The following TSC22D3 variants were observed in gnomAD, a reference collection of about 807,000 sequenced individuals.
TSC22D3 encodes the protein TSC22 domain family member 3.
Under a neutral mutation model 11.1 loss-of-function variants are expected in TSC22D3, and 4 were observed. That is an observed-to-expected ratio of 0.36 (90% confidence interval 0.18 to 0.83). The LOEUF (loss-of-function observed/expected upper bound fraction) is 0.83, where lower values mean the gene tolerates loss of function less well. TSC22D3 is among the 40% of genes least tolerant of loss of function. The pLI, the probability that TSC22D3 is intolerant of heterozygous loss-of-function variation, is 0.48. For synonymous variants in TSC22D3, 77 were observed against 70.3 expected (o/e 1.10, Z -0.48); for missense variants, 118 against 159.4 (o/e 0.74, Z 1.40).
intron 1 of TSC22D3, among the ~76,000 whole-genome samples, chrX:107,739,125 TG>T (rs1928276683): frequency 8.8e-6 from 1 of 113,172 alleles, no homozygotes; most frequent in Non-Finnish European, 1.9e-5. Flanking sequence ...GCAGCTGACA[TG>T]CTGCTGGTGC....
At position 107,771,552 on chromosome X, in the gene TSC22D3, T is replaced by C. The variant is rs192332554; in HGVS notation, c.320+3548A>G. Among the ~76,000 whole-genome samples, 31 of 112,062 alleles carry C rather than the reference T, an allele frequency of 2.8e-4. 1 individual carries two copies. The highest frequency in any genetic ancestry group is 9.7e-4 in the African/African-American group (30 of 30,774). On this transcript the variant is annotated intron_variant, in intron 1 of 2. Coordinates refer to ENST00000372383, the MANE Select transcript of TSC22D3 (RefSeq NM_198057.3). The stretch of plus-strand genomic sequence containing the variant: ...GTGAGCTGAGATCGTGCCACTGCAC[T>C]CCAGCCTGGGCGACAGAACAAGACT...
intron 1 of TSC22D3, among the ~76,000 whole-genome samples, chrX:107,768,350 G>A (rs1283335914): frequency 1.8e-5 from 2 of 112,290 alleles, no homozygotes; most frequent in Non-Finnish European, 3.8e-5. Context: ...ATCTGGAAAG[G>A]AGCCAACCCT....
intron 1 of TSC22D3, among the ~76,000 whole-genome samples, chrX:107,766,808 T>G (rs186531032): frequency 9.1e-6 from 1 of 110,468 alleles, no homozygotes; most frequent in East Asian, 2.9e-4. Context: ...GAGCTTGACT[T>G]GGACCCCCAG....
intron 1 of TSC22D3, among the ~76,000 whole-genome samples, chrX:107,741,665 T>G (rs921954604): frequency 6.2e-5 from 7 of 112,120 alleles, no homozygotes; most frequent in Non-Finnish European, 1.3e-4. Flanking sequence ...CCTTGCTCAG[T>G]GCCTGGAGAC....
intron 1 of TSC22D3, among the ~76,000 whole-genome samples, chrX:107,732,410 GC>G (rs1450720568): frequency 9.0e-6 from 1 of 110,514 alleles, no homozygotes; most frequent in African/African-American, 3.3e-5. Flanking sequence ...AAGGAAGGAG[GC>G]TTTGCCAGCG....
At position 107,714,429 on chromosome X, in the gene TSC22D3, G is replaced by T; in HGVS notation, c.*90C>A. 3.5e-6 allele frequency: 3 copies of T among 849,840 alleles called. No individual in the cohort carries two copies. The highest frequency in any genetic ancestry group is 4.9e-6 in the Non-Finnish European group (3 of 607,357). The allele number at this position is 849,840 out of a possible 1,213,427, so 70.0% of individuals were successfully genotyped here. A position where few individuals can be genotyped will look rare whatever the true frequency, so the allele number is the denominator to read the frequency against. On this transcript the variant is annotated 3_prime_UTR_variant, in exon 3 of 3. Coordinates refer to ENST00000372383, the MANE Select transcript of TSC22D3 (RefSeq NM_198057.3). ...CTGTGCTAGGTGTAAAGTTCTCCTCGTGAGATGATGCTTGGGGAGCCAAAA... is the reference window on the plus strand; with the variant it reads ...CTGTGCTAGGTGTAAAGTTCTCCTCTTGAGATGATGCTTGGGGAGCCAAAA...
intron 1 of TSC22D3, among the ~76,000 whole-genome samples, chrX:107,730,498 T>C (rs1380791036): frequency 9.0e-6 from 1 of 111,480 alleles, no homozygotes; most frequent in Non-Finnish European, 1.9e-5. Flanking sequence ...CCCAAGGCAA[T>C]TAATTCCCTG....
intron 1 of TSC22D3, among the ~76,000 whole-genome samples, chrX:107,718,615 T>C (rs1307812728): frequency 8.8e-6 from 1 of 113,248 alleles, no homozygotes; most frequent in Non-Finnish European, 1.9e-5. Flanking sequence ...TCCAGGGCAG[T>C]TATGCCACTG....
intron 1 of TSC22D3, among the ~76,000 whole-genome samples, chrX:107,757,695 C>T (rs745605338): frequency 9.1e-6 from 1 of 109,815 alleles, no homozygotes; most frequent in African/African-American, 3.3e-5. Context: ...TCTTACCCCA[C>T]ACTCTCTTCC....
chrX:107,763,150 C>G (rs763824118), intron 1 of TSC22D3, among the ~76,000 whole-genome samples: 1 of 111,388 alleles, frequency 9.0e-6, no homozygotes, highest in East Asian at 2.8e-4. Flanking sequence ...CCACTGCGCC[C>G]GACCTGTACT....
chrX:107,727,750 A>G (rs1258658863), intron 1 of TSC22D3, among the ~76,000 whole-genome samples: 1 of 112,193 alleles, frequency 8.9e-6, no homozygotes, highest in Non-Finnish European at 1.9e-5. Flanking sequence ...GTCCAGTTTC[A>G]ATGTTTGTTC....
In TSC22D3 at chrX:107,727,835, A is replaced by G. The variant is rs774572848; in HGVS notation, c.321-11885T>C. The stretch of plus-strand genomic sequence containing the variant: ...TTGTTAAAATGGAGTCTATATTTAA[A>G]TTATTCTCCTGAAGGTCCTAGCAAT... On this transcript the variant is annotated intron_variant, in intron 1 of 2. Coordinates refer to ENST00000372383, the MANE Select transcript of TSC22D3 (RefSeq NM_198057.3). 2.7e-5 allele frequency among the ~76,000 whole-genome samples: 3 copies of G among 112,596 alleles called. No individual in the cohort carries two copies. The South Asian group carries it at 1.1e-3, about 41-fold the overall frequency.
chrX:107,754,362 G>A (rs947144610), intron 1 of TSC22D3, among the ~76,000 whole-genome samples: 8 of 111,591 alleles, frequency 7.2e-5, no homozygotes, highest in Non-Finnish European at 1.5e-4. Context: ...TTTGTGAGTG[G>A]GTAATTTATT....
chrX:107,755,916 G>A (rs1929154618), intron 1 of TSC22D3, among the ~76,000 whole-genome samples: 1 of 112,049 alleles, frequency 8.9e-6, no homozygotes, highest in Admixed American at 9.5e-5. Flanking sequence ...TGCCAGGAAC[G>A]TGGTAGAGAC....
At chrX:107,715,553 T>C (rs1304139767) in intron 2 of TSC22D3, among the ~76,000 whole-genome samples, 1 of 112,410 alleles carries the variant, frequency 8.9e-6, no homozygotes, top group Admixed American at 9.3e-5. Context: ...ACTGCAGTGC[T>C]GTTGCATCCA....
At chrX:107,751,385 G>C (rs1011760619) in intron 1 of TSC22D3, among the ~76,000 whole-genome samples, 1 of 111,743 alleles carries the variant, frequency 8.9e-6, no homozygotes, top group African/African-American at 3.3e-5. Context: ...AGGCTCCTGA[G>C]GGGCCTAGAG....
At position 107,714,565 on chromosome X, in the gene TSC22D3, G is replaced by A; in HGVS notation, c.557C>T (p.Pro186Leu). 1 of 1,211,559 alleles carries A rather than the reference G, an allele frequency of 8.3e-7. No individual in the cohort carries two copies. Among genetic ancestry groups the A allele is most frequent in the Non-Finnish European group, 1.1e-6 (1 of 895,430 alleles). The stretch of plus-strand genomic sequence containing the variant: ...GGCCTCGGGCACTTGTGGGGATTCG[G>A]GAGCTGGCTCTTCAGGGCTCAGACA... ...QSCLSPEEPA[P>L]ESPQVPEAPG... The change falls in exon 3 of 3, where the codon CCC (proline) becomes CTC (leucine). Residue 186 changes from proline (P) to leucine (L), a missense_variant. Pro to Leu is a moderately conservative substitution (Grantham distance 98, BLOSUM62 -3). Transcript: ENST00000372383.
At chrX:107,718,321 A>G (rs1225355053) in intron 1 of TSC22D3, among the ~76,000 whole-genome samples, 1 of 112,255 alleles carries the variant, frequency 8.9e-6, no homozygotes, top group Non-Finnish European at 1.9e-5. Context: ...CGGGAATATT[A>G]TTTACACCAA....
At chrX:107,715,523 A>T (rs1474822422) in intron 2 of TSC22D3, among the ~76,000 whole-genome samples, 2 of 112,415 alleles carry the variant, frequency 1.8e-5, no homozygotes, top group Non-Finnish European at 1.9e-5. Context: ...TCCTGACCCC[A>T]GTCCAGGCTC....
Sources: gnomAD v4.1 joint callset for allele counts (sites outside exome capture counted in the v4.1 genomes callset) on GRCh38, gnomAD v4.1.1 for gene constraint, MANE v1.5 for transcripts, NCBI Gene and HGNC (gene_info 2026-07-23, HGNC 2026-07-21) for gene names.